The following COTL1 variants were observed in gnomAD, a reference collection of about 807,000 sequenced individuals.
The protein encoded by COTL1 is coactosin-like protein.
In COTL1, 15 loss-of-function variants were observed where a neutral mutation model predicts 16.5. The observed-to-expected ratio is 0.91, with a 90% CI of 0.61 to 1.40. The LOEUF is 1.40. Among genes scored for constraint, COTL1 ranks in the 40% most tolerant of loss-of-function variants. The probability of loss-of-function intolerance (pLI) is 0.00; values close to 1 mark genes in which losing one functional copy is unlikely to be tolerated. For synonymous variants in COTL1, 112 were observed against 85.3 expected, an observed-to-expected ratio of 1.31 and a Z score of -1.73; for missense variants, 220 against 201.5, an observed-to-expected ratio of 1.09 and a Z score of -0.56.
intron 2 of COTL1, among the ~76,000 whole-genome samples, chr16:84,608,884 G>T (rs756364211): frequency 1.3e-5 from 2 of 152,184 alleles, no homozygotes; most frequent in African/African-American, 2.4e-5. Context: ...CAGACTGGGT[G>T]ACAGGGCACG....
At chr16:84,578,792 C>T (rs1904509960) in intron 3 of COTL1, among the ~76,000 whole-genome samples, 1 of 151,602 alleles carries the variant, frequency 6.6e-6, no homozygotes. Flanking sequence ...CACACACAGA[C>T]ACACAGGGAT....
rs1302479969 is a variant in COTL1, at chr16:84,617,541, C to T, written c.120G>A (p.Glu40=). 1 of 1,558,108 alleles carries T rather than the reference C, an allele frequency of 6.4e-7. No homozygotes were observed. The highest frequency in any genetic ancestry group is 8.7e-7 in the Non-Finnish European group (1 of 1,150,286). ...TGAAGTGCTGGTACTCCGCTCCCTG[C>T]TCGCCGGGGACGATGGTGGAGCCGT... The part of the protein sequence containing the change: ...KYDGSTIVPG[E]QGAEYQHFIQ... The change falls in exon 2 of 4, where the codon GAG becomes GAA. Residue 40 remains glutamate (E), a synonymous_variant. Transcript: ENST00000262428.
chr16:84,580,002 G>A (rs1285966515), intron 3 of COTL1, among the ~76,000 whole-genome samples: 2 of 152,182 alleles, frequency 1.3e-5, no homozygotes, highest in South Asian at 2.1e-4. Context: ...ACTGTATACC[G>A]TGCTAGCGAC....
At chr16:84,571,036 G>T (rs926520791) in intron 3 of COTL1, among the ~76,000 whole-genome samples, 1 of 151,742 alleles carries the variant, frequency 6.6e-6, no homozygotes, top group African/African-American at 2.4e-5. Flanking sequence ...CAGTGACCAT[G>T]GCCATGCTCT....
Position 84,617,547 on chromosome 16 carries a change from G to A in COTL1, c.114C>T (p.Pro38=), listed in dbSNP as rs202135648. 6.4e-7 allele frequency: 1 copy of A among 1,558,468 alleles called. No individual in the cohort carries two copies. Among genetic ancestry groups the A allele is most frequent in the South Asian group, 1.2e-5 (1 of 84,580 alleles). The change falls in exon 2 of 4, where the codon CCC becomes CCT. Residue 38 remains proline (P), a synonymous_variant. Transcript: ENST00000262428. ...GCTGGTACTCCGCTCCCTGCTCGCC[G>A]GGGACGATGGTGGAGCCGTCATATT... The part of the protein sequence containing the change: ...TFKYDGSTIV[P]GEQGAEYQHF...
rs1369342079 is a variant in COTL1 at position 84,613,784 on chromosome 16, G to A, written c.160+3717C>T. Among the ~76,000 whole-genome samples, 4 of 152,222 alleles carry A rather than the reference G, an allele frequency of 2.6e-5. No homozygotes were observed. The East Asian group carries it at 5.8e-4, about 22-fold the overall frequency. ...GTGGCATGCCATTCTTCCCTAGGAA[G>A]CCACCTCCTCAAGTCAGTCTCCTGG... On this transcript the variant is annotated intron_variant, in intron 2 of 3. Transcript: ENST00000262428.
chr16:84,575,867 C>G (rs767695540), intron 3 of COTL1: 2 of 152,124 alleles, frequency 1.3e-5, no homozygotes, highest in African/African-American at 2.4e-5. Flanking sequence ...TTGGGAGGGT[C>G]GTATGAGCAT....
intron 2 of COTL1, chr16:84,594,383 C>G (rs547214238): frequency 5.0e-4 from 76 of 152,486 alleles, no homozygotes; most frequent in African/African-American, 1.7e-3. Flanking sequence ...CAGTTCCTCA[C>G]TTGTAAGGTG....
At chr16:84,567,125 G>A (rs950184910) in intron 3 of COTL1, 170 bp from the exon 4 acceptor site, 3 of 589,536 alleles carry the variant, frequency 5.1e-6, no homozygotes, top group African/African-American at 3.7e-5. Flanking sequence ...AGAGTCAATG[G>A]AAATTGAACA....
chr16:84,614,168 C>T (rs1303863613), intron 2 of COTL1, among the ~76,000 whole-genome samples: 1 of 152,232 alleles, frequency 6.6e-6, no homozygotes, highest in Non-Finnish European at 1.5e-5. Flanking sequence ...TTAATCTGCA[C>T]TGGGCATTTC....
chr16:84,580,683 A>T (rs1447661221), intron 3 of COTL1, among the ~76,000 whole-genome samples: 1 of 152,148 alleles, frequency 6.6e-6, no homozygotes, highest in Non-Finnish European at 1.5e-5. Flanking sequence ...TGGCTCAAGA[A>T]CTAGTCCTCC....
chr16:84,571,925 C>A (rs1250977972), intron 3 of COTL1, among the ~76,000 whole-genome samples: 1 of 152,224 alleles, frequency 6.6e-6, no homozygotes, highest in Non-Finnish European at 1.5e-5. Context: ...CTCCATCCTA[C>A]ACGGGGTGCT....
chr16:84,567,001 C>T, intron 3 of COTL1, 46 bp from the exon 4 acceptor site: 2 of 1,399,624 alleles, frequency 1.4e-6, no homozygotes, highest in Non-Finnish European at 2.0e-6. Flanking sequence ...AGAAGGAAGG[C>T]ACAGGATGTG....
intron 3 of COTL1, among the ~76,000 whole-genome samples, chr16:84,572,579 G>A (rs1007149213): frequency 5.9e-5 from 9 of 152,040 alleles, no homozygotes; most frequent in Middle Eastern, 6.8e-3. Context: ...TCCCACCTCC[G>A]CCTTCCTAAT....
chr16:84,607,830 T>C (rs770200842), intron 2 of COTL1, among the ~76,000 whole-genome samples: 9 of 151,948 alleles, frequency 5.9e-5, no homozygotes, highest in Non-Finnish European at 8.8e-5. Context: ...GCTTGGGGCA[T>C]AGTAGATGCT....
intron 2 of COTL1, among the ~76,000 whole-genome samples, chr16:84,610,564 A>T (rs1335915289): frequency 6.6e-6 from 1 of 152,198 alleles, no homozygotes; most frequent in Admixed American, 6.5e-5. Flanking sequence ...CTGATTGGCT[A>T]GATTTGAGTC....
chr16:84,574,245 T>A (rs1289028077), intron 3 of COTL1, among the ~76,000 whole-genome samples: 1 of 152,180 alleles, frequency 6.6e-6, no homozygotes, highest in African/African-American at 2.4e-5. Context: ...GGCAGGGCCC[T>A]GGGGATGCGT....
chr16:84,589,136 C>G (rs1171979014), intron 3 of COTL1, among the ~76,000 whole-genome samples: 1 of 151,694 alleles, frequency 6.6e-6, no homozygotes, highest in Non-Finnish European at 1.5e-5. Flanking sequence ...ATGCCTGGCT[C>G]ATTTTATTTT....
At chr16:84,601,181 G>A (rs938651621) in intron 2 of COTL1, among the ~76,000 whole-genome samples, 6 of 152,162 alleles carry the variant, frequency 3.9e-5, no homozygotes, top group Admixed American at 2.6e-4. Context: ...TCACTGTTGT[G>A]CTGCCTCTTC....
Sources: gnomAD v4.1 joint callset for allele counts (sites outside exome capture counted in the v4.1 genomes callset) on GRCh38, gnomAD v4.1.1 for gene constraint, MANE v1.5 for transcripts, NCBI Gene and HGNC (gene_info 2026-07-23, HGNC 2026-07-21) for gene names.